PRDM16: variants seen among roughly 807,000 people sequenced by gnomAD.
PRDM16 encodes PR/SET domain 16.
A neutral mutation model predicts 110.6 loss-of-function variants in PRDM16; 23 were observed. The observed-to-expected ratio is 0.21, with a 90% CI of 0.15 to 0.29. The LOEUF (loss-of-function observed/expected upper bound fraction) is 0.29. PRDM16 is among the 10% of genes least tolerant of loss of function. The pLI is 1.00. For synonymous variants in PRDM16, 799 were observed against 781.8 expected, an observed-to-expected ratio of 1.02 and a Z score of -0.37; for missense variants, 1,615 against 1,794.3, an observed-to-expected ratio of 0.90 and a Z score of 1.81.
intron 3 of PRDM16, among the ~76,000 whole-genome samples, chr1:3,335,493 G>A (rs1473548959): frequency 6.6e-6 from 1 of 152,058 alleles, no homozygotes; most frequent in East Asian, 1.9e-4. Context: ...ATTCTAAAGG[G>A]AGCAGAGTTT....
intron 2 of PRDM16, among the ~76,000 whole-genome samples, chr1:3,232,913 C>T (rs1054678878): frequency 2.6e-5 from 4 of 152,138 alleles, no homozygotes; most frequent in African/African-American, 9.7e-5. Flanking sequence ...AGATCTACGA[C>T]CCTTCTTATT....
intron 3 of PRDM16, among the ~76,000 whole-genome samples, chr1:3,323,657 C>G (rs1349123683): frequency 6.6e-6 from 1 of 152,256 alleles, no homozygotes; most frequent in African/African-American, 2.4e-5. Flanking sequence ...AAAGCACCGA[C>G]AAAGGCGAGG....
At chr1:3,305,305 C>T (rs1231252107) in intron 3 of PRDM16, among the ~76,000 whole-genome samples, 5 of 152,202 alleles carry the variant, frequency 3.3e-5, no homozygotes, top group Non-Finnish European at 7.3e-5. Context: ...GTGCAGAGTC[C>T]GGCACATGCA....
At chr1:3,170,443 A>C (rs375103348) in intron 1 of PRDM16, among the ~76,000 whole-genome samples, 11 of 152,102 alleles carry the variant, frequency 7.2e-5, no homozygotes, top group East Asian at 5.9e-4. Flanking sequence ...AGCAGAGCCG[A>C]GTGGATTAGG....
intron 4 of PRDM16, chr1:3,394,444 C>G: frequency 2.3e-6 from 1 of 443,600 alleles, no homozygotes. Context: ...GGGAGGATGC[C>G]CGAGGTCTCA....
intron 3 of PRDM16, among the ~76,000 whole-genome samples, chr1:3,283,102 C>T (rs977798996): frequency 1.3e-5 from 2 of 152,200 alleles, no homozygotes; most frequent in African/African-American, 4.8e-5. Flanking sequence ...CACTCTGCCC[C>T]TCCCGACACT....
At chr1:3,381,399 G>GTT in intron 3 of PRDM16, among the ~76,000 whole-genome samples, 1 of 148,014 alleles carries the variant, frequency 6.8e-6, no homozygotes, top group Non-Finnish European at 1.5e-5. Context: ...GTTTTTTTCT[G>GTT]GTTTTTTTTT....
rs892285805 is a variant in PRDM16 at position 3,425,170 on chromosome 1, C to G, written c.2940-411C>G. 1.3e-5 allele frequency: 2 copies of G among 157,006 alleles called. No homozygotes were observed. The highest frequency in any genetic ancestry group is 4.8e-5 in the African/African-American group (2 of 41,416). 9.7% of individuals were successfully genotyped at this position (157,006 alleles called of 1,614,324 possible). On this transcript the variant is annotated intron_variant, in intron 12 of 16. Transcript: ENST00000270722. The surrounding 1 kb of genome is among the most constrained non-coding windows in gnomAD (Gnocchi z 6.9). ...TTGGCTCACTGCAAGCTCCGCCTCC[C>G]GGGTTCACGCCATTCTCCTGCCTCA...
intron 1 of PRDM16, among the ~76,000 whole-genome samples, chr1:3,097,170 C>T (rs1039140745): frequency 1.2e-4 from 18 of 152,202 alleles, no homozygotes; most frequent in African/African-American, 3.4e-4. Context: ...AAGGGCAGAG[C>T]TGAGGAGCCT....
Position 3,069,476 on chromosome 1 carries a change from C to T in PRDM16, c.37+180C>T, listed in dbSNP as rs1243678446. 6.9e-6 allele frequency among the ~76,000 whole-genome samples: 1 copy of T among 144,114 alleles called. No homozygotes were observed. The highest frequency in any genetic ancestry group is 1.5e-5 in the Non-Finnish European group (1 of 65,190). 94.5% of individuals were successfully genotyped at this position (144,114 alleles called of 152,430 possible). The stretch of plus-strand genomic sequence containing the variant: ...CGCGCTCCGGGGCGACCGGGCTCGG[C>T]GCGGAGGCTCGGGGCGCCCGGGCCG... On this transcript the variant is annotated intron_variant, in intron 1 of 16. Coordinates refer to ENST00000270722, the MANE Select transcript of PRDM16 (RefSeq NM_022114.4). The surrounding 1 kb of genome is among the most constrained non-coding windows in gnomAD (Gnocchi z 6.1).
At chr1:3,158,691 CT>C (rs1207495844) in intron 1 of PRDM16, among the ~76,000 whole-genome samples, 2 of 151,044 alleles carry the variant, frequency 1.3e-5, no homozygotes, top group African/African-American at 4.9e-5. Context: ...CTTTCTCTTT[CT>C]CTTTTTTTCT....
At chr1:3,115,530 G>A (rs1035818125) in intron 1 of PRDM16, among the ~76,000 whole-genome samples, 29 of 152,224 alleles carry the variant, frequency 1.9e-4, no homozygotes, top group African/African-American at 4.6e-4. Flanking sequence ...AGCGAGTGGC[G>A]TTTATGTGGA....
At chr1:3,092,688 C>G (rs1642305147) in intron 1 of PRDM16, among the ~76,000 whole-genome samples, 1 of 152,084 alleles carries the variant, frequency 6.6e-6, no homozygotes, top group African/African-American at 2.4e-5. Flanking sequence ...GTGCGGGGAG[C>G]CTCCTTCCTC....
At chr1:3,262,423 C>A (rs1000380279) in intron 3 of PRDM16, among the ~76,000 whole-genome samples, 1 of 152,238 alleles carries the variant, frequency 6.6e-6, no homozygotes, top group Non-Finnish European at 1.5e-5. Flanking sequence ...CCAGACCGAG[C>A]AGGAGTCTTG....
chr1:3,130,797 G>T (rs1569638222), intron 1 of PRDM16, among the ~76,000 whole-genome samples: 1 of 141,364 alleles, frequency 7.1e-6, no homozygotes, highest in South Asian at 2.2e-4. Context: ...TGGGGGGGCT[G>T]TTTTTTTTTT....
In PRDM16 at chr1:3,114,131, TATC is replaced by T. The variant is rs569081825; in HGVS notation, c.37+44836_37+44838del. On this transcript the variant is annotated intron_variant, in intron 1 of 16. Coordinates refer to ENST00000270722, the MANE Select transcript of PRDM16 (RefSeq NM_022114.4). ...CGTGCTGCAGTAAGACAGCGGCGTG[TATC>T]TCTGCACACTGCACACACGCACACA... Among the ~76,000 whole-genome samples the T allele has an allele frequency of 1.1e-4, 16 of 152,256 alleles. No individual in the cohort carries two copies. In the South Asian group the frequency reaches 3.1e-3, roughly 30 times the overall value.
Position 3,255,853 on chromosome 1 carries a change from G to A in PRDM16, c.438+11716G>A, listed in dbSNP as rs997657307. ...CCAAAGCCAATCCCGTGGCCGCACC[G>A]ACACCCGAAGCCAACCCCGTGGCCG... On this transcript the variant is annotated intron_variant, in intron 3 of 16. Transcript: ENST00000270722. The surrounding 1 kb of genome is among the most constrained non-coding windows in gnomAD (Gnocchi z 4.7). 6.8e-6 allele frequency among the ~76,000 whole-genome samples: 1 copy of A among 147,690 alleles called. No individual in the cohort carries two copies. Among genetic ancestry groups the A allele is most frequent in the Non-Finnish European group, 1.5e-5 (1 of 65,976 alleles).
intron 4 of PRDM16, among the ~76,000 whole-genome samples, chr1:3,394,698 C>T (rs1643358648): frequency 6.6e-6 from 1 of 152,246 alleles, no homozygotes; most frequent in African/African-American, 2.4e-5. Context: ...CCACTTGCGC[C>T]TGCTACAATG....
At chr1:3,295,111 G>T (rs149839096) in intron 3 of PRDM16, among the ~76,000 whole-genome samples, 1 of 152,186 alleles carries the variant, frequency 6.6e-6, no homozygotes, top group East Asian at 1.9e-4. Context: ...GCCTCCCAGG[G>T]CACCCAGGTT....
Sources: gnomAD v4.1 joint callset for allele counts (sites outside exome capture counted in the v4.1 genomes callset) on GRCh38, gnomAD v4.1.1 for gene constraint, Gnocchi (gnomAD v3.1) non-coding constraint, MANE v1.5 for transcripts, NCBI Gene and HGNC (gene_info 2026-07-23, HGNC 2026-07-21) for gene names.